Variants in EYS observed in about 807,000 individuals in gnomAD.
The protein encoded by EYS is EGF-like photoreceptor maintenance factor.
A neutral mutation model predicts 282.1 loss-of-function variants in EYS; 250 were observed. The ratio of observed to expected loss-of-function variants is 0.89; its 90% CI spans 0.80 to 0.98. EYS has a LOEUF of 0.98. EYS is among the 50% of genes least tolerant of loss of function. The pLI is 0.00. For synonymous variants in EYS, 1,355 were observed against 1,282.9 expected, an observed-to-expected ratio of 1.06 and a Z score of -1.20; for missense variants, 4,016 against 3,709.0, an observed-to-expected ratio of 1.08 and a Z score of -2.15.
intron 5 of EYS, among the ~76,000 whole-genome samples, chr6:65,463,501 T>C (rs1238802726): frequency 1.3e-5 from 2 of 152,168 alleles, no homozygotes; most frequent in Non-Finnish European, 2.9e-5. Flanking sequence ...TTATTTATAT[T>C]TCCAAGTACC....
intron 26 of EYS, among the ~76,000 whole-genome samples, chr6:64,464,651 A>G (rs1775858697): frequency 6.6e-6 from 1 of 152,094 alleles, no homozygotes; most frequent in South Asian, 2.1e-4. Context: ...ACAACAGACT[A>G]TACAAAAAAG....
In EYS at chr6:64,668,589, G is replaced by A. The variant is rs142545198; in HGVS notation, c.3444-42344C>T. 8.4e-3 allele frequency among the ~76,000 whole-genome samples: 1,009 copies of A among 120,092 alleles called. 22 individuals are homozygous for A. Among genetic ancestry groups the A allele is most frequent in the African/African-American group, 0.031 (954 of 31,182 alleles). 78.8% of individuals were successfully genotyped at this position (120,092 alleles called of 152,430 possible). On this transcript the variant is annotated intron_variant, in intron 22 of 42. Transcript: ENST00000503581. The stretch of plus-strand genomic sequence containing the variant: ...TTTCGGGACAGAGTCTCGCTCTGTC[G>A]CCCAGGCTGGAGTGCAGTGGGCTGG...
At chr6:63,736,094 T>C (rs987554227) in intron 41 of EYS, among the ~76,000 whole-genome samples, 2 of 151,958 alleles carry the variant, frequency 1.3e-5, no homozygotes, top group African/African-American at 4.8e-5. Flanking sequence ...ATTCTGTGTT[T>C]TCCCATTTGT....
intron 16 of EYS, among the ~76,000 whole-genome samples, chr6:64,908,073 C>T (rs1767884913): frequency 1.3e-5 from 2 of 152,158 alleles, no homozygotes; most frequent in African/African-American, 4.8e-5. Context: ...GTATCCACAA[C>T]TTGTCATCCC....
rs551487472 is a variant in EYS at position 64,591,018 on chromosome 6, T to A, written c.4849A>T (p.Ile1617Leu). The change falls in exon 26 of 43, where the codon ATA (isoleucine) becomes TTA (leucine). Residue 1617 changes from isoleucine (I) to leucine (L), a missense_variant. Transcript: ENST00000503581. ...SGHSFSSATEITPSVAFTEVP... is the reference protein window; with the variant it reads ...SGHSFSSATELTPSVAFTEVP... ...TCTGTGAATGCCACTGATGGTGTTATTTCAGTAGCAGAAGAAAATGAATGC... is the reference window on the plus strand; with the variant it reads ...TCTGTGAATGCCACTGATGGTGTTAATTCAGTAGCAGAAGAAAATGAATGC... The A allele has an allele frequency of 1.3e-5, 20 of 1,551,366 alleles. No homozygotes were observed. The East Asian group carries it at 4.4e-4, about 34-fold the overall frequency.
intron 12 of EYS, among the ~76,000 whole-genome samples, chr6:65,109,494 G>T (rs930152092): frequency 1.3e-5 from 2 of 151,892 alleles, no homozygotes. Flanking sequence ...GTCATTACAA[G>T]AGTTGTCTTG....
intron 31 of EYS, among the ~76,000 whole-genome samples, chr6:64,216,075 A>C (rs1582439261): frequency 6.6e-6 from 1 of 152,350 alleles, no homozygotes; most frequent in East Asian, 1.9e-4. Flanking sequence ...GAAGGAAAAC[A>C]AAGCTGGACA....
At chr6:64,183,430 T>A (rs1764846135) in intron 31 of EYS, among the ~76,000 whole-genome samples, 1 of 152,180 alleles carries the variant, frequency 6.6e-6, no homozygotes, top group Non-Finnish European at 1.5e-5. Flanking sequence ...CATTTACCAC[T>A]GTATTCCTGG....
intron 12 of EYS, among the ~76,000 whole-genome samples, chr6:65,168,110 T>G (rs1453272452): frequency 6.6e-6 from 1 of 151,370 alleles, no homozygotes; most frequent in Non-Finnish European, 1.5e-5. Context: ...TCCTTTTTCC[T>G]TAAATCTATG....
intron 12 of EYS, among the ~76,000 whole-genome samples, chr6:65,257,272 T>G (rs1410267512): frequency 1.5e-5 from 1 of 66,428 alleles, no homozygotes; most frequent in African/African-American, 8.8e-5. Flanking sequence ...CTCTTTAGTT[T>G]AATTAGATCC....
At chr6:64,177,288 T>C (rs967874649) in intron 31 of EYS, among the ~76,000 whole-genome samples, 4 of 151,564 alleles carry the variant, frequency 2.6e-5, no homozygotes, top group African/African-American at 9.7e-5. Context: ...CTATTCATTT[T>C]CAGAAAGCAA....
At chr6:63,993,344 A>G (rs1767689804) in intron 34 of EYS, among the ~76,000 whole-genome samples, 1 of 151,766 alleles carries the variant, frequency 6.6e-6, no homozygotes. Context: ...AACAAAATGC[A>G]TCCAAATAAG....
intron 11 of EYS, among the ~76,000 whole-genome samples, chr6:65,324,598 C>T (rs1330596865): frequency 6.6e-6 from 1 of 152,278 alleles, no homozygotes; most frequent in East Asian, 1.9e-4. Flanking sequence ...ATTTGCTCTT[C>T]TCCACTGTCA....
chr6:65,117,380 T>C (rs1775405513), intron 12 of EYS, among the ~76,000 whole-genome samples: 1 of 152,168 alleles, frequency 6.6e-6, no homozygotes, highest in Admixed American at 6.5e-5. Flanking sequence ...TTTGCTGTCA[T>C]AGACATAAAG....
At position 64,945,893 on chromosome 6, in the gene EYS, A is replaced by T; in HGVS notation, c.2281T>A (p.Ser761Thr). 3.9e-6 allele frequency: 6 copies of T among 1,547,238 alleles called. No homozygotes were observed. The highest frequency in any genetic ancestry group is 5.2e-6 in the Non-Finnish European group (6 of 1,143,516). Residue 761 changes from serine to threonine, a missense_variant, in exon 15 of 43, where the codon TCT becomes ACT. Coordinates refer to ENST00000503581, the MANE Select transcript of EYS (RefSeq NM_001142800.2). ...TCACAAAAATTTCCTTCCCAATCAG[A>T]TAGGCACACACACTGGTAGCTCTAA... is the stretch of plus-strand genomic sequence containing the variant. ...LHLSYQCVCL[S>T]DWEGNFCEQE...
intron 22 of EYS, among the ~76,000 whole-genome samples, chr6:64,756,251 T>A (rs1392633810): frequency 6.6e-6 from 1 of 152,232 alleles, no homozygotes; most frequent in Non-Finnish European, 1.5e-5. Context: ...ATTTACTTTA[T>A]GGCAATGTTT....
chr6:64,808,045 TTC>T (rs1283789575), intron 22 of EYS, among the ~76,000 whole-genome samples: 3 of 147,870 alleles, frequency 2.0e-5, no homozygotes, highest in South Asian at 2.2e-4. Context: ...CCTTCCTCCT[TTC>T]CCTTCTTCCC....
At chr6:65,263,015 G>C (rs4386799) in intron 12 of EYS, among the ~76,000 whole-genome samples, 1 of 152,090 alleles carries the variant, frequency 6.6e-6, no homozygotes. Context: ...ATAAAAAGGA[G>C]ATAACTTAGT....
chr6:65,409,995 G>A (rs1184668502), intron 5 of EYS, among the ~76,000 whole-genome samples: 1 of 151,914 alleles, frequency 6.6e-6, no homozygotes, highest in Admixed American at 6.6e-5. Context: ...CATACAAAGA[G>A]TAAATATGTA....
Sources: gnomAD v4.1 joint callset for allele counts (sites outside exome capture counted in the v4.1 genomes callset) on GRCh38, gnomAD v4.1.1 for gene constraint, MANE v1.5 for transcripts, NCBI Gene and HGNC (gene_info 2026-07-23, HGNC 2026-07-21) for gene names.